SORCS1: variants seen among roughly 807,000 people sequenced by gnomAD.
The protein encoded by SORCS1 is VPS10 domain-containing receptor SorCS1.
Under a neutral mutation model 146.1 loss-of-function variants are expected in SORCS1, and 60 were observed. The observed-to-expected ratio is 0.41, with a 90% CI of 0.33 to 0.51. The LOEUF (loss-of-function observed/expected upper bound fraction) is 0.51. Among genes scored for constraint, SORCS1 ranks in the 20% least tolerant of loss-of-function variants. The probability of loss-of-function intolerance (pLI) is 0.21; values close to 1 mark genes in which losing one functional copy is unlikely to be tolerated. For synonymous variants in SORCS1, 637 were observed against 584.0 expected (o/e 1.09, Z -1.31); for missense variants, 1,352 against 1,487.6 (o/e 0.91, Z 1.50).
intron 2 of SORCS1, among the ~76,000 whole-genome samples, chr10:106,837,242 G>A (rs1948824962): frequency 6.6e-6 from 1 of 152,104 alleles, no homozygotes; most frequent in Admixed American, 6.5e-5. Context: ...TATCATGACA[G>A]TTGACAGTCA....
chr10:106,628,228 C>A (rs1392435156), intron 19 of SORCS1, among the ~76,000 whole-genome samples: 1 of 152,160 alleles, frequency 6.6e-6, no homozygotes, highest in Non-Finnish European at 1.5e-5. Context: ...ACCAAAACAC[C>A]TTTTTGTCAT....
rs74154847 is a variant in SORCS1 at position 107,078,232 on chromosome 10, G to A, written c.558+85737C>T. Among the ~76,000 whole-genome samples, 101 of 152,174 alleles carry A rather than the reference G, an allele frequency of 6.6e-4. 2 individuals are homozygous for A. The East Asian group carries it at 0.019, about 28-fold the overall frequency. ...GTAATTTTAAATGTTCTAAGACCAC[G>A]GTGTTAAATAACTTATACTCAGTAA... On this transcript the variant is annotated intron_variant, in intron 1 of 25. Coordinates refer to ENST00000263054, the MANE Select transcript of SORCS1 (RefSeq NM_052918.5).
intron 1 of SORCS1, among the ~76,000 whole-genome samples, chr10:107,101,009 C>G (rs1370883261): frequency 6.6e-6 from 1 of 152,200 alleles, no homozygotes; most frequent in African/African-American, 2.4e-5. Context: ...ATCCTCCCTC[C>G]TCAGCCTCCT....
At chr10:107,006,223 C>G (rs1009894804) in intron 1 of SORCS1, among the ~76,000 whole-genome samples, 2 of 152,110 alleles carry the variant, frequency 1.3e-5, no homozygotes, top group African/African-American at 4.8e-5. Flanking sequence ...GAGAGGGAGG[C>G]ATGGATGACA....
chr10:107,160,577 A>G (rs1490908980), intron 1 of SORCS1, among the ~76,000 whole-genome samples: 3 of 152,328 alleles, frequency 2.0e-5, no homozygotes, highest in Non-Finnish European at 4.4e-5. Context: ...ATCATGTGCT[A>G]TGAGAAATGT....
chr10:107,071,047 T>C (rs1962375940), intron 1 of SORCS1, among the ~76,000 whole-genome samples: 1 of 152,182 alleles, frequency 6.6e-6, no homozygotes, highest in African/African-American at 2.4e-5. Flanking sequence ...AAACATTTGC[T>C]TTGGCTATAT....
chr10:106,975,905 T>C (rs1955973292), intron 1 of SORCS1, among the ~76,000 whole-genome samples: 1 of 152,112 alleles, frequency 6.6e-6, no homozygotes, highest in Non-Finnish European at 1.5e-5. Flanking sequence ...CCCAGCACTT[T>C]GGGAGGCCGA....
intron 1 of SORCS1, among the ~76,000 whole-genome samples, chr10:106,963,367 G>A (rs1346265899): frequency 2.6e-5 from 4 of 151,846 alleles, no homozygotes; most frequent in African/African-American, 9.7e-5. Flanking sequence ...CGCCCACCTC[G>A]GCCTCCCAAA....
chr10:106,667,467 G>T (rs1368991760), intron 17 of SORCS1, among the ~76,000 whole-genome samples: 1 of 152,194 alleles, frequency 6.6e-6, no homozygotes, highest in African/African-American at 2.4e-5. Flanking sequence ...CTTCAATCAA[G>T]AAACATTTCT....
chr10:106,845,697 A>G (rs1452673236), intron 2 of SORCS1, among the ~76,000 whole-genome samples: 2 of 67,864 alleles, frequency 2.9e-5, no homozygotes, highest in Admixed American at 3.4e-4. Context: ...GTTTTCTTCT[A>G]GGGTTTTTAT....
At chr10:106,839,297 C>A (rs1309995889) in intron 2 of SORCS1, among the ~76,000 whole-genome samples, 3 of 152,142 alleles carry the variant, frequency 2.0e-5, no homozygotes, top group African/African-American at 7.2e-5. Context: ...CCACTGCACA[C>A]AAGAATAAGA....
In SORCS1 at chr10:107,125,556, C is replaced by T. The variant is rs1439297476; in HGVS notation, c.558+38413G>A. Among the ~76,000 whole-genome samples the T allele has an allele frequency of 6.6e-5, 10 of 152,282 alleles. No homozygotes were observed. The East Asian group carries it at 7.7e-4, about 12-fold the overall frequency. Reference sequence around the variant, plus strand: ...TTTGCATACAGAAGACATTGCTTAACGCATTTGCATATGGGAAAAATCTCT... The same window carrying T: ...TTTGCATACAGAAGACATTGCTTAATGCATTTGCATATGGGAAAAATCTCT... On this transcript the variant is annotated intron_variant, in intron 1 of 25. Transcript: ENST00000263054.
At chr10:106,825,922 C>T (rs1338789126) in intron 3 of SORCS1, among the ~76,000 whole-genome samples, 5 of 152,168 alleles carry the variant, frequency 3.3e-5, no homozygotes, top group Non-Finnish European at 7.4e-5. Context: ...ATCTCTTAGT[C>T]AAGATTTCTT....
chr10:107,034,880 A>G (rs1306883354), intron 1 of SORCS1, among the ~76,000 whole-genome samples: 5 of 151,806 alleles, frequency 3.3e-5, no homozygotes, highest in African/African-American at 1.2e-4. Flanking sequence ...TTCGTAATCA[A>G]ATATAAAATA....
At chr10:107,011,314 T>C (rs1262455131) in intron 1 of SORCS1, among the ~76,000 whole-genome samples, 1 of 152,192 alleles carries the variant, frequency 6.6e-6, no homozygotes, top group African/African-American at 2.4e-5. Flanking sequence ...CCGCCTCCTA[T>C]GGGGGAATAA....
intron 2 of SORCS1, among the ~76,000 whole-genome samples, chr10:106,835,555 C>T (rs552896072): frequency 7.4e-4 from 112 of 152,272 alleles, no homozygotes; most frequent in Non-Finnish European, 1.5e-3. Context: ...ATAATTTAGT[C>T]TATCATATCT....
intron 24 of SORCS1, among the ~76,000 whole-genome samples, chr10:106,584,495 C>G (rs979112990): frequency 6.6e-6 from 1 of 152,186 alleles, no homozygotes; most frequent in South Asian, 2.1e-4. Flanking sequence ...AAAACTTAAG[C>G]TTAATCAATT....
intron 2 of SORCS1, among the ~76,000 whole-genome samples, chr10:106,946,602 T>C (rs1954358842): frequency 6.6e-6 from 1 of 152,238 alleles, no homozygotes; most frequent in African/African-American, 2.4e-5. Context: ...TGTGGAACTG[T>C]GAGTCAATTA....
chr10:107,153,890 C>T (rs1355203375), intron 1 of SORCS1, among the ~76,000 whole-genome samples: 3 of 151,768 alleles, frequency 2.0e-5, no homozygotes, highest in Admixed American at 6.6e-5. Context: ...CACTGGCAAA[C>T]ATTTTGAGTC....
Sources: gnomAD v4.1 joint callset for allele counts (sites outside exome capture counted in the v4.1 genomes callset) on GRCh38, gnomAD v4.1.1 for gene constraint, MANE v1.5 for transcripts, NCBI Gene and HGNC (gene_info 2026-07-23, HGNC 2026-07-21) for gene names.